ANO2: variants seen among roughly 807,000 people sequenced by gnomAD.
The protein encoded by ANO2 is anoctamin 2.
Under a neutral mutation model 124.2 loss-of-function variants are expected in ANO2, and 101 were observed. The observed-to-expected ratio is 0.81, with a 90% confidence interval of 0.69 to 0.96. ANO2 has a LOEUF of 0.96. Among genes scored for constraint, ANO2 ranks in the 40% least tolerant of loss-of-function variants. The probability of loss-of-function intolerance (pLI) is 0.00; values close to 1 mark genes in which losing one functional copy is unlikely to be tolerated. For synonymous variants in ANO2, 486 were observed against 482.5 expected, an observed-to-expected ratio of 1.01 and a Z score of -0.09; for missense variants, 1,293 against 1,274.5, an observed-to-expected ratio of 1.01 and a Z score of -0.22.
At chr12:5,601,140 T>G (rs1337628070) in intron 19 of ANO2, among the ~76,000 whole-genome samples, 1 of 152,188 alleles carries the variant, frequency 6.6e-6, no homozygotes, top group Non-Finnish European at 1.5e-5. Context: ...GCTTTAGTTT[T>G]CTTATCTTTA....
intron 3 of ANO2, among the ~76,000 whole-genome samples, chr12:5,885,970 C>T (rs1027255683): frequency 2.0e-5 from 3 of 152,222 alleles, no homozygotes; most frequent in African/African-American, 2.4e-5. Flanking sequence ...GTGCTAACTG[C>T]ACACCCTACT....
intron 14 of ANO2, among the ~76,000 whole-genome samples, chr12:5,710,617 T>C (rs1949777090): frequency 6.6e-6 from 1 of 152,112 alleles, no homozygotes; most frequent in African/African-American, 2.4e-5. Context: ...CAAAGTACTA[T>C]GAGATCTTCA....
chr12:5,577,279 A>G (rs1043401854), intron 22 of ANO2, among the ~76,000 whole-genome samples: 1 of 152,232 alleles, frequency 6.6e-6, no homozygotes, highest in African/African-American at 2.4e-5. Flanking sequence ...TTTGCCTCCC[A>G]AGGGAAAAGG....
rs1950108018 is a variant in ANO2, at chr12:5,718,664, C to T, written c.1545+13856G>A. On this transcript the variant is annotated intron_variant, in intron 14 of 24. Transcript: ENST00000682330. ...ACATAATGTAAGCAGAGTGGATCTC[C>T]GAAGGGACACTTCTCAGAATCCCTT... is the stretch of plus-strand genomic sequence containing the variant. Among the ~76,000 whole-genome samples, 6 of 152,204 alleles carry T rather than the reference C, an allele frequency of 3.9e-5. No individual in the cohort carries two copies. The South Asian group carries it at 1.2e-3, about 32-fold the overall frequency.
intron 14 of ANO2, among the ~76,000 whole-genome samples, chr12:5,723,253 G>A (rs1950306969): frequency 1.3e-5 from 2 of 152,224 alleles, no homozygotes; most frequent in African/African-American, 4.8e-5. Context: ...GCGGTGTGAT[G>A]TGGTGGCCGT....
At chr12:5,598,480 C>T (rs1187883370) in intron 20 of ANO2, among the ~76,000 whole-genome samples, 1 of 152,152 alleles carries the variant, frequency 6.6e-6, no homozygotes, top group Non-Finnish European at 1.5e-5. Context: ...CTCAGCCTCC[C>T]AAGTAGCTGG....
At chr12:5,689,826 T>C (rs11610003) in intron 14 of ANO2, among the ~76,000 whole-genome samples, 76 of 152,288 alleles carry the variant, frequency 5.0e-4, no homozygotes, top group Non-Finnish European at 1.1e-3. Context: ...TGGCACATAG[T>C]AAGCACTCAA....
chr12:5,784,667 C>T (rs1278732476), intron 10 of ANO2, among the ~76,000 whole-genome samples: 1 of 152,168 alleles, frequency 6.6e-6, no homozygotes, highest in Non-Finnish European at 1.5e-5. Flanking sequence ...GAGTTCTCCA[C>T]CCTCTTCCTA....
chr12:5,751,920 C>G (rs574345614), intron 10 of ANO2, among the ~76,000 whole-genome samples: 2 of 152,204 alleles, frequency 1.3e-5, no homozygotes, highest in East Asian at 3.9e-4. Context: ...CTATTCTATT[C>G]TTTGGATCTA....
chr12:5,813,933 T>G (rs1953516736), intron 7 of ANO2, among the ~76,000 whole-genome samples: 1 of 152,350 alleles, frequency 6.6e-6, no homozygotes, highest in East Asian at 1.9e-4. Flanking sequence ...GTTTTACAAC[T>G]TGTTCATCCC....
chr12:5,571,365 C>T (rs541913228), intron 23 of ANO2, among the ~76,000 whole-genome samples: 16 of 152,350 alleles, frequency 1.1e-4, no homozygotes, highest in East Asian at 7.7e-4. Flanking sequence ...AGGCAAGCAT[C>T]GCTCCAAAAT....
chr12:5,604,752 T>C (rs1165605601), intron 19 of ANO2, among the ~76,000 whole-genome samples: 1 of 151,882 alleles, frequency 6.6e-6, no homozygotes. Flanking sequence ...AAAAAAATAA[T>C]AATAAAGGAA....
intron 16 of ANO2, among the ~76,000 whole-genome samples, chr12:5,629,274 A>G (rs1945580469): frequency 6.6e-6 from 1 of 152,224 alleles, no homozygotes; most frequent in African/African-American, 2.4e-5. Flanking sequence ...TATTCAGCCT[A>G]GAAGCCTGCC....
At chr12:5,856,017 T>G (rs1955087084) in intron 3 of ANO2, among the ~76,000 whole-genome samples, 2 of 152,228 alleles carry the variant, frequency 1.3e-5, no homozygotes, top group Admixed American at 1.3e-4. Flanking sequence ...CAATTTTATC[T>G]TTGGTTATGC....
In ANO2 at chr12:5,762,437, T is replaced by A. The variant is rs191169379; in HGVS notation, c.1056-11467A>T. 1.7e-4 allele frequency among the ~76,000 whole-genome samples: 26 copies of A among 152,044 alleles called. No individual in the cohort carries two copies. The East Asian group carries it at 4.2e-3, about 25-fold the overall frequency. Reference sequence around the variant, plus strand: ...TACCTCTTAGGTTTTCACTAGAAAATAAGGTTACTAAGAGTTAAAATTTCT... The same window carrying A: ...TACCTCTTAGGTTTTCACTAGAAAAAAAGGTTACTAAGAGTTAAAATTTCT... On this transcript the variant is annotated intron_variant, in intron 10 of 24. Coordinates refer to ENST00000682330, the MANE Select transcript of ANO2 (RefSeq NM_001364791.2).
chr12:5,631,410 G>C (rs750265084), intron 16 of ANO2, among the ~76,000 whole-genome samples: 1 of 152,162 alleles, frequency 6.6e-6, no homozygotes, highest in African/African-American at 2.4e-5. Flanking sequence ...CACAGCCCCA[G>C]ACCACTGTCT....
At chr12:5,695,135 G>A (rs551842878) in intron 14 of ANO2, among the ~76,000 whole-genome samples, 6 of 152,016 alleles carry the variant, frequency 3.9e-5, no homozygotes, top group Non-Finnish European at 7.4e-5. Context: ...CTGCTCCCTA[G>A]AAGAAAAAGG....
intron 1 of ANO2, among the ~76,000 whole-genome samples, chr12:5,929,314 T>C (rs1436566231): frequency 8.7e-6 from 1 of 115,460 alleles, no homozygotes; most frequent in Non-Finnish European, 1.7e-5. Context: ...TTACCAGTCT[T>C]CCTTCCTTAC....
At chr12:5,704,184 A>G (rs531212621) in intron 14 of ANO2, among the ~76,000 whole-genome samples, 9 of 152,292 alleles carry the variant, frequency 5.9e-5, no homozygotes, top group African/African-American at 1.4e-4. Flanking sequence ...TAGAATTGCA[A>G]TTAAATATTT....
Sources: allele counts gnomAD v4.1 joint callset (sites outside exome capture counted in the v4.1 genomes callset), GRCh38; gene constraint gnomAD v4.1.1; transcripts MANE v1.5; gene names NCBI Gene and HGNC (gene_info 2026-07-23, HGNC 2026-07-21).